CAMK2D: variants seen among roughly 807,000 people sequenced by gnomAD.
CAMK2D encodes the protein calcium/calmodulin dependent protein kinase II delta, also known as calcium/calmodulin-dependent protein kinase type II subunit delta.
Under a neutral mutation model 84.0 loss-of-function variants are expected in CAMK2D, and 37 were observed. That is an observed-to-expected ratio of 0.44 (90% CI 0.34 to 0.58). The LOEUF is 0.58. Ranked by LOEUF, CAMK2D falls within the 20% of genes least tolerant of loss-of-function variation. The probability of loss-of-function intolerance (pLI) is 0.02; values close to 1 mark genes in which losing one functional copy is unlikely to be tolerated. For missense variants in CAMK2D, 448 were observed against 652.5 expected (o/e 0.69, Z 3.41); for synonymous variants, 202 against 212.5 (o/e 0.95, Z 0.43).
intron 2 of CAMK2D, among the ~76,000 whole-genome samples, chr4:113,678,991 A>G (rs2099329560): frequency 6.6e-6 from 1 of 152,162 alleles, no homozygotes; most frequent in Non-Finnish European, 1.5e-5. Flanking sequence ...AATAACCACT[A>G]TTCTGATTTC....
intron 4 of CAMK2D, among the ~76,000 whole-genome samples, chr4:113,567,901 C>T (rs1470150965): frequency 6.6e-6 from 1 of 152,144 alleles, no homozygotes; most frequent in Non-Finnish European, 1.5e-5. Flanking sequence ...AACGAGTCCT[C>T]CTTGGTTAAT....
At chr4:113,581,288 TG>T (rs1182057643) in intron 4 of CAMK2D, among the ~76,000 whole-genome samples, 2 of 151,012 alleles carry the variant, frequency 1.3e-5, no homozygotes, top group African/African-American at 4.9e-5. Flanking sequence ...CCGAGGCGGG[TG>T]GATCACCTGA....
At chr4:113,604,235 T>C (rs1485560284) in intron 4 of CAMK2D, among the ~76,000 whole-genome samples, 1 of 152,160 alleles carries the variant, frequency 6.6e-6, no homozygotes. Context: ...CATGAGAGTA[T>C]TTCATTGATA....
At chr4:113,587,001 C>A (rs1216891042) in intron 4 of CAMK2D, among the ~76,000 whole-genome samples, 1 of 152,166 alleles carries the variant, frequency 6.6e-6, no homozygotes, top group Non-Finnish European at 1.5e-5. Flanking sequence ...AATGCAAGCA[C>A]ATAATACCCC....
chr4:113,758,856 T>C (rs2099634521), intron 2 of CAMK2D, among the ~76,000 whole-genome samples: 1 of 152,178 alleles, frequency 6.6e-6, no homozygotes, highest in Non-Finnish European at 1.5e-5. Context: ...TTACCAAAGC[T>C]ATTACTGTTA....
chr4:113,508,128 A>G (rs2098156287), intron 13 of CAMK2D: 1 of 757,358 alleles, frequency 1.3e-6, no homozygotes, highest in African/African-American at 1.7e-5. Context: ...ACTGACCTGT[A>G]ATGGTCCTAC....
chr4:113,485,614 AGTGTTCT>A (rs1321775105), intron 16 of CAMK2D, among the ~76,000 whole-genome samples: 2 of 152,202 alleles, frequency 1.3e-5, no homozygotes, highest in Admixed American at 1.3e-4. Flanking sequence ...GAATCACCAG[AGTGTTCT>A]ACCTATGGAC....
At chr4:113,614,612 T>C (rs1383283012) in intron 3 of CAMK2D, among the ~76,000 whole-genome samples, 1 of 152,152 alleles carries the variant, frequency 6.6e-6, no homozygotes, top group Non-Finnish European at 1.5e-5. Flanking sequence ...GCAGAGGTCA[T>C]AGCTGAACGA....
chr4:113,565,003 A>G (rs561759538), intron 4 of CAMK2D, among the ~76,000 whole-genome samples: 15 of 152,358 alleles, frequency 9.8e-5, no homozygotes, highest in Non-Finnish European at 1.6e-4. Context: ...CTTGGCTATT[A>G]CTACAGATAA....
chr4:113,619,397 T>C (rs1254264772), intron 3 of CAMK2D, among the ~76,000 whole-genome samples: 1 of 152,102 alleles, frequency 6.6e-6, no homozygotes, highest in African/African-American at 2.4e-5. Context: ...TTATTGTCCT[T>C]AGGTTCAGAA....
At chr4:113,731,065 A>G (rs894586168) in intron 2 of CAMK2D, among the ~76,000 whole-genome samples, 1 of 152,238 alleles carries the variant, frequency 6.6e-6, no homozygotes, top group Non-Finnish European at 1.5e-5. Flanking sequence ...ATTCATTTCA[A>G]TATTCACCAA....
intron 2 of CAMK2D, among the ~76,000 whole-genome samples, chr4:113,674,402 T>TG (rs780029961): frequency 6.6e-6 from 1 of 152,186 alleles, no homozygotes; most frequent in Non-Finnish European, 1.5e-5. Context: ...AGGTAAGTAC[T>TG]GCATCATTTA....
intron 8 of CAMK2D, among the ~76,000 whole-genome samples, chr4:113,522,767 T>A (rs2098378754): frequency 6.6e-6 from 1 of 152,234 alleles, no homozygotes; most frequent in South Asian, 2.1e-4. Context: ...TTATAGAAAT[T>A]ACTTGCTAAT....
Position 113,531,271 on chromosome 4 carries a change from A to G in CAMK2D, c.546T>C (p.Ser182=). ...AAGGATCTTTACGTAAAACTTCTGG[A>G]GAAAGATATCCAGGTGTGCCAGCAA... ...FGFAGTPGYL[S]PEVLRKDPYG... is the part of the protein sequence containing the mutation. The change falls in exon 8 of 21, where the codon TCT becomes TCC. Residue 182 remains serine, a synonymous_variant. Coordinates refer to ENST00000511664, the MANE Select transcript of CAMK2D (RefSeq NM_001321571.2). 6.2e-7 allele frequency: 1 copy of G among 1,602,726 alleles called. No homozygotes were observed. The highest frequency in any genetic ancestry group is 1.1e-5 in the South Asian group (1 of 90,838).
intron 2 of CAMK2D, among the ~76,000 whole-genome samples, chr4:113,707,297 C>T (rs1322316969): frequency 6.6e-6 from 1 of 152,046 alleles, no homozygotes; most frequent in East Asian, 1.9e-4. Flanking sequence ...AGGAAGCCCA[C>T]ACAGATGATG....
At chr4:113,549,394 A>G (rs1334058330) in intron 5 of CAMK2D, among the ~76,000 whole-genome samples, 1 of 152,234 alleles carries the variant, frequency 6.6e-6, no homozygotes, top group African/African-American at 2.4e-5. Flanking sequence ...CAAAGAATAA[A>G]TAAATACAAA....
intron 4 of CAMK2D, among the ~76,000 whole-genome samples, chr4:113,576,423 C>G (rs1259572596): frequency 6.6e-6 from 1 of 151,562 alleles, no homozygotes; most frequent in Non-Finnish European, 1.5e-5. Flanking sequence ...AAAATGAAAG[C>G]AAAAAGAAGA....
At chr4:113,524,436 G>A (rs939469607) in intron 8 of CAMK2D, among the ~76,000 whole-genome samples, 1 of 152,062 alleles carries the variant, frequency 6.6e-6, no homozygotes, top group African/African-American at 2.4e-5. Flanking sequence ...TAATGTCCTT[G>A]GGGTTCATCC....
intron 6 of CAMK2D, among the ~76,000 whole-genome samples, chr4:113,537,870 A>G (rs1382269330): frequency 6.6e-6 from 1 of 152,240 alleles, no homozygotes; most frequent in Non-Finnish European, 1.5e-5. Flanking sequence ...GACATTTGGC[A>G]AATGAAACTG....
Sources: gnomAD v4.1 joint callset for allele counts (sites outside exome capture counted in the v4.1 genomes callset) on GRCh38, gnomAD v4.1.1 for gene constraint, MANE v1.5 for transcripts, NCBI Gene and HGNC (gene_info 2026-07-23, HGNC 2026-07-21) for gene names.